Variants in IPCEF1 observed in about 807,000 individuals in gnomAD.
IPCEF1 encodes the protein interaction protein for cytohesin exchange factors 1.
Under a neutral mutation model 50.9 loss-of-function variants are expected in IPCEF1, and 31 were observed. That is an observed-to-expected ratio of 0.61 (90% CI 0.46 to 0.82). The LOEUF is 0.82. Among genes scored for constraint, IPCEF1 ranks in the 40% least tolerant of loss-of-function variants. The pLI is 0.00. For synonymous variants in IPCEF1, 181 were observed against 192.0 expected (o/e 0.94, Z 0.47); for missense variants, 458 against 514.0 (o/e 0.89, Z 1.05).
intron 11 of IPCEF1, among the ~76,000 whole-genome samples, chr6:154,160,541 A>T (rs1044631945): frequency 2.6e-5 from 4 of 152,220 alleles, no homozygotes; most frequent in African/African-American, 9.6e-5. Context: ...ATAAATACAC[A>T]GATTATCTTT....
chr6:154,308,184 G>A (rs989897074), intron 1 of IPCEF1, among the ~76,000 whole-genome samples: 17 of 152,194 alleles, frequency 1.1e-4, no homozygotes, highest in Non-Finnish European at 2.2e-4. Context: ...GTGCAATCAT[G>A]GCTGGCTGCA....
chr6:154,323,871 T>C (rs908552442), intron 1 of IPCEF1, among the ~76,000 whole-genome samples: 1 of 152,228 alleles, frequency 6.6e-6, no homozygotes, highest in Non-Finnish European at 1.5e-5. Flanking sequence ...GAGAATCGTT[T>C]GAATCCAGGA....
At chr6:154,351,055 G>C (rs1263467206) in intron 1 of IPCEF1, among the ~76,000 whole-genome samples, 1 of 152,166 alleles carries the variant, frequency 6.6e-6, no homozygotes, top group Non-Finnish European at 1.5e-5. Context: ...TTATAGATGA[G>C]ACAACTCAAG....
chr6:154,207,312 T>C (rs1314271684), intron 9 of IPCEF1, among the ~76,000 whole-genome samples: 2 of 152,234 alleles, frequency 1.3e-5, no homozygotes, highest in South Asian at 2.1e-4. Flanking sequence ...TTCAACCATA[T>C]GGCTTACAAT....
chr6:154,295,103 C>A (rs549163106), intron 1 of IPCEF1, among the ~76,000 whole-genome samples: 7 of 151,784 alleles, frequency 4.6e-5, no homozygotes, highest in African/African-American at 1.7e-4. Flanking sequence ...GAAGCTGAGG[C>A]GGAAGAATGG....
intron 3 of IPCEF1, among the ~76,000 whole-genome samples, chr6:154,253,663 C>A (rs1166580054): frequency 6.6e-6 from 1 of 152,194 alleles, no homozygotes; most frequent in African/African-American, 2.4e-5. Flanking sequence ...ATTCCATGAT[C>A]ATAGGATATG....
chr6:154,228,318 A>G (rs1219905415), intron 5 of IPCEF1, among the ~76,000 whole-genome samples: 1 of 150,558 alleles, frequency 6.6e-6, no homozygotes, highest in Non-Finnish European at 1.5e-5. Context: ...AAAAAAAAAA[A>G]AGTTTCCTCC....
chr6:154,217,957 A>T (rs1369582508), intron 7 of IPCEF1, among the ~76,000 whole-genome samples: 1 of 152,222 alleles, frequency 6.6e-6, no homozygotes, highest in Non-Finnish European at 1.5e-5. Flanking sequence ...CTCAGCCCTT[A>T]CCCAAAACTT....
chr6:154,288,667 CAAAAAAAACAAAAAAAAAAAAAAA>C (rs1169987036), intron 2 of IPCEF1, among the ~76,000 whole-genome samples: 1 of 112,650 alleles, frequency 8.9e-6, no homozygotes, highest in Non-Finnish European at 1.9e-5. Flanking sequence ...GTCTAAAAAA[CAAAAAAAACAAAAAAAAAAAAAAA>C]AAAAAAAAAA....
intron 1 of IPCEF1, among the ~76,000 whole-genome samples, chr6:154,336,725 T>C (rs1783794932): frequency 6.6e-6 from 1 of 152,114 alleles, no homozygotes; most frequent in African/African-American, 2.4e-5. Context: ...TGCCTCAGCC[T>C]CCCAGGTAAC....
intron 1 of IPCEF1, among the ~76,000 whole-genome samples, chr6:154,330,444 C>T (rs908403430): frequency 2.7e-5 from 4 of 148,820 alleles, no homozygotes; most frequent in African/African-American, 9.9e-5. Flanking sequence ...TCAAGCAATT[C>T]TCCCACCTCG....
chr6:154,202,787 CT>C (rs2128594595), intron 9 of IPCEF1, among the ~76,000 whole-genome samples: 1 of 152,218 alleles, frequency 6.6e-6, no homozygotes, highest in South Asian at 2.1e-4. Context: ...CAAATGCTCT[CT>C]CAATCCATTT....
chr6:154,247,354 C>A, intron 4 of IPCEF1, 95 bp downstream of exon 4: 1 of 969,012 alleles, frequency 1.0e-6, no homozygotes, highest in Non-Finnish European at 1.6e-6. Flanking sequence ...AGCATTAAGA[C>A]AGACAGAAAT....
chr6:154,262,834 T>A (rs1781637209), intron 3 of IPCEF1, among the ~76,000 whole-genome samples: 1 of 148,774 alleles, frequency 6.7e-6, no homozygotes, highest in South Asian at 2.2e-4. Context: ...TGGAGTGCAG[T>A]GATGCAATCT....
At position 154,273,724 on chromosome 6, in the gene IPCEF1, CTTTTTTTTTTTTTTTTTTT is replaced by C. The variant is rs71021036; in HGVS notation, c.-17-7779_-17-7761del. Reference sequence around the variant, plus strand: ...TCTTTTTTTCTTTCTTTCTTTCTTTCTTTTTTTTTTTTTTTTTTTTTTTTTTTTTTTTTTTTTTTTTTTT... The same window carrying C: ...TCTTTTTTTCTTTCTTTCTTTCTTTCTTTTTTTTTTTTTTTTTTTTTTTTT... On this transcript the variant is annotated intron_variant, in intron 2 of 11. Transcript: ENST00000367220. Among the ~76,000 whole-genome samples the C allele has an allele frequency of 1.6e-3, 104 of 63,326 alleles. 5 individuals are homozygous for C. The highest frequency in any genetic ancestry group is 1.9e-3 in the Admixed American group (8 of 4,262). 41.5% of individuals were successfully genotyped at this position (63,326 alleles called of 152,430 possible).
chr6:154,311,594 A>G lies in IPCEF1; in HGVS notation c.-61-21838T>C, dbSNP rs573511982. Among the ~76,000 whole-genome samples the G allele has an allele frequency of 2.0e-3, 306 of 152,338 alleles. 1 individual carries two copies. The highest frequency in any genetic ancestry group is 3.8e-3 in the Non-Finnish European group (260 of 68,026). ...GCTCATTATGTTTCCTCAAACACTT[A>G]TTTTTAAATAACCCAATTTTTTAAA... On this transcript the variant is annotated intron_variant, in intron 1 of 11. Coordinates refer to ENST00000367220, the MANE Select transcript of IPCEF1 (RefSeq NM_001130700.2).
intron 10 of IPCEF1, among the ~76,000 whole-genome samples, chr6:154,187,151 T>G (rs1265005898): frequency 6.6e-6 from 1 of 152,128 alleles, no homozygotes; most frequent in Non-Finnish European, 1.5e-5. Flanking sequence ...TTAATTTGGC[T>G]CACCCTCTCC....
chr6:154,187,049 C>T (rs114088393), intron 10 of IPCEF1, among the ~76,000 whole-genome samples: 1 of 152,304 alleles, frequency 6.6e-6, no homozygotes, highest in African/African-American at 2.4e-5. Context: ...ACACACTCCA[C>T]ACTCTGTCTT....
chr6:154,265,586 A>G (rs1308253848), intron 3 of IPCEF1, among the ~76,000 whole-genome samples: 1 of 152,048 alleles, frequency 6.6e-6, no homozygotes, highest in Non-Finnish European at 1.5e-5. Flanking sequence ...GCCCTATTTC[A>G]GTGAAATTAT....
Sources: allele counts gnomAD v4.1 joint callset (sites outside exome capture counted in the v4.1 genomes callset), GRCh38; gene constraint gnomAD v4.1.1; transcripts MANE v1.5; gene names NCBI Gene and HGNC (gene_info 2026-07-23, HGNC 2026-07-21).